Variants in KRT7 observed in about 807,000 individuals in gnomAD.
The protein encoded by KRT7 is keratin 7.
KRT7 carries 50 observed loss-of-function variants against 42.8 expected under a neutral mutation model. The ratio of observed to expected loss-of-function variants is 1.17; its 90% confidence interval spans 0.93 to 1.48. The LOEUF is 1.48. Among genes scored for constraint, KRT7 ranks in the 40% most tolerant of loss-of-function variants. KRT7 has a pLI of 0.00. For synonymous variants in KRT7, 268 were observed against 266.3 expected (o/e 1.01, Z -0.06); for missense variants, 588 against 637.6 (o/e 0.92, Z 0.84).
chr12:52,253,501 C>T (rs141434053), downstream of KRT7: 508 of 1,563,964 alleles, frequency 3.2e-4, 1 homozygote, highest in Middle Eastern at 5.1e-4. Flanking sequence ...ATCTTCCCAT[C>T]CGTAGGGACC....
In KRT7 at chr12:52,248,750, C is replaced by T. The variant is rs779558996; in HGVS notation, c.1400C>T (p.Ala467Val). The change falls in exon 9 of 9, where the codon GCC becomes GTC. Residue 467 changes from alanine to valine, a missense_variant. Coordinates refer to ENST00000331817, the MANE Select transcript of KRT7 (RefSeq NM_005556.4). Reference protein sequence around the residue: ...IRTASASRRSARD With the variant: ...IRTASASRRSVRD ...ACCGCATCCGCCAGTCGCAGGAGTG[C>T]CCGCGACTGAGCCGCCTCCCACCAC... 2.5e-5 allele frequency: 39 copies of T among 1,569,204 alleles called. No homozygotes were observed. The East Asian group carries it at 9.0e-4, about 36-fold the overall frequency.
At chr12:52,246,099 G>T (rs954313930) in intron 7 of KRT7, 5 of 158,872 alleles carry the variant, frequency 3.1e-5, no homozygotes, top group Non-Finnish European at 6.9e-5. Context: ...ATCATGTGGG[G>T]CTAACTGACT....
At chr12:52,255,033 C>T (rs982473064), downstream of KRT7, among the ~76,000 whole-genome samples, 15 of 152,238 alleles carry the variant, frequency 9.9e-5, no homozygotes, top group Non-Finnish European at 2.1e-4. Context: ...AGGGTGCCTA[C>T]TCTATGCCAG....
downstream of KRT7, chr12:52,253,196 G>A (rs930050068): frequency 2.5e-6 from 4 of 1,593,268 alleles, no homozygotes; most frequent in Non-Finnish European, 3.4e-6. Context: ...ACTGAGGGGT[G>A]GGCTGGGCTC....
intron 8 of KRT7, 77 bp downstream of exon 8, chr12:52,248,288 T>G: frequency 6.8e-7 from 1 of 1,463,986 alleles, no homozygotes; most frequent in Non-Finnish European, 9.6e-7. Context: ...AATGGCAGAC[T>G]GGCCCAGGGC....
chr12:52,241,879 CT>C, intron 5 of KRT7: 1 of 308,216 alleles, frequency 3.2e-6, no homozygotes, highest in Non-Finnish European at 5.9e-6. Flanking sequence ...CAGTACTAGG[CT>C]CATGTAATTA....
intron 1 of KRT7, among the ~76,000 whole-genome samples, chr12:52,234,646 A>G (rs1034821632): frequency 6.7e-6 from 1 of 149,770 alleles, no homozygotes; most frequent in African/African-American, 2.5e-5. Context: ...ATTGCCTCCC[A>G]CCTCCAGTCA....
downstream of KRT7, chr12:52,250,347 A>T (rs1249384702): frequency 5.7e-6 from 2 of 350,504 alleles, no homozygotes; most frequent in Non-Finnish European, 1.1e-5. Context: ...GTGGGGGCCG[A>T]TGGGGAGGCT....
chr12:52,245,679 G>A (rs771621942), intron 7 of KRT7, 47 bp downstream of exon 7: 3 of 1,608,194 alleles, frequency 1.9e-6, no homozygotes, highest in Non-Finnish European at 1.7e-6. Flanking sequence ...GGCTCCGTGG[G>A]GTTTGGGGCT....
chr12:52,249,340 C>T (rs1485941509), downstream of KRT7: 1 of 152,404 alleles, frequency 6.6e-6, no homozygotes. Context: ...CAGCCGTCCT[C>T]AGCCCTTCCT....
downstream of KRT7, chr12:52,249,575 A>T (rs1224619622): frequency 6.6e-6 from 1 of 152,394 alleles, no homozygotes; most frequent in Admixed American, 6.5e-5. Context: ...ATCTGTGTTA[A>T]GTCAGTGCTT....
intron 5 of KRT7, 82 bp from the exon 6 acceptor site, chr12:52,242,930 G>C (rs1942115238): frequency 6.9e-7 from 1 of 1,450,270 alleles, no homozygotes; most frequent in Non-Finnish European, 9.3e-7. Flanking sequence ...TAAGTTGGGA[G>C]GGGCCTTGGG....
chr12:52,252,539 A>G, downstream of KRT7: 3 of 1,590,468 alleles, frequency 1.9e-6, no homozygotes, highest in Non-Finnish European at 2.6e-6. Context: ...GTCAGAGGCC[A>G]GGTAACCACT....
At chr12:52,245,357 C>T in intron 6 of KRT7, 55 bp from the exon 7 acceptor site, 1 of 1,579,118 alleles carries the variant, frequency 6.3e-7, no homozygotes, top group Non-Finnish European at 8.6e-7. Flanking sequence ...GCAGGATGGG[C>T]AGGCAGGAAG....
intron 2 of KRT7, among the ~76,000 whole-genome samples, chr12:52,236,621 T>C (rs1167670115): frequency 6.6e-6 from 1 of 152,210 alleles, no homozygotes; most frequent in Non-Finnish European, 1.5e-5. Flanking sequence ...TTTGAGGGTA[T>C]GGGCACCTCC....
chr12:52,238,775 G>C lies in KRT7; in HGVS notation c.693G>C (p.Thr231=). 2.5e-6 allele frequency: 4 copies of C among 1,586,888 alleles called. No individual in the cohort carries two copies. The highest frequency in any genetic ancestry group is 3.5e-6 in the Non-Finnish European group (4 of 1,155,032). Residue 231 remains threonine (T), a splice_region_variant and synonymous_variant, in exon 4 of 9, where the codon ACG becomes ACC. Coordinates refer to ENST00000331817, the MANE Select transcript of KRT7 (RefSeq NM_005556.4). The part of the protein sequence containing the change: ...EINFLRTLNE[T]ELTELQSQIS... ...ACTTCCTCAGGACCCTCAATGAGAC[G>C]GTGAGGACCATGGAGCTGGGTGACA...
chr12:52,250,943 A>G (rs1942257566), downstream of KRT7, among the ~76,000 whole-genome samples: 1 of 152,200 alleles, frequency 6.6e-6, no homozygotes, highest in South Asian at 2.1e-4. Flanking sequence ...CCTACTACAC[A>G]CCTGGGCTCT....
chr12:52,253,184 A>T, downstream of KRT7: 1 of 1,581,844 alleles, frequency 6.3e-7, no homozygotes, highest in Non-Finnish European at 8.7e-7. Context: ...CTCTCTTCCT[A>T]CACTGAGGGG....
chr12:52,244,767 G>C (rs572469618), intron 6 of KRT7, among the ~76,000 whole-genome samples: 1 of 152,304 alleles, frequency 6.6e-6, no homozygotes, highest in South Asian at 2.1e-4. Context: ...AGCTGCTCCA[G>C]GCAGGCACAG....
Sources: gnomAD v4.1 joint callset for allele counts (sites outside exome capture counted in the v4.1 genomes callset) on GRCh38, gnomAD v4.1.1 for gene constraint, MANE v1.5 for transcripts, NCBI Gene and HGNC (gene_info 2026-07-23, HGNC 2026-07-21) for gene names.